Variants in IFT172 observed in about 807,000 individuals in gnomAD.
IFT172 encodes the protein intraflagellar transport protein 172 homolog.
Under a neutral mutation model 248.9 loss-of-function variants are expected in IFT172, and 164 were observed. The ratio of observed to expected loss-of-function variants is 0.66; its 90% CI spans 0.58 to 0.75. The LOEUF (loss-of-function observed/expected upper bound fraction) is 0.75. IFT172 is among the 30% of genes least tolerant of loss of function. The pLI, the probability that IFT172 is intolerant of heterozygous loss-of-function variation, is 0.00. For synonymous variants in IFT172, 729 were observed against 791.6 expected, an observed-to-expected ratio of 0.92 and a Z score of 1.33; for missense variants, 1,950 against 2,192.4, an observed-to-expected ratio of 0.89 and a Z score of 2.21.
At chr2:27,489,150 CA>C (rs1297312123) in intron 1 of IFT172, among the ~76,000 whole-genome samples, 2 of 152,182 alleles carry the variant, frequency 1.3e-5, no homozygotes, top group African/African-American at 4.8e-5. Flanking sequence ...GTGCTAACTC[CA>C]AAGCCCACCC....
rs754461372 is a variant in IFT172 at position 27,459,743 on chromosome 2, G to A, written c.2608C>T (p.Leu870Phe). Reference protein sequence around the residue: ...WGDHLVQQKQLDAAINHYIEA... With the variant: ...WGDHLVQQKQFDAAINHYIEA... ...ATGTAGTGATTAATGGCTGCATCAA[G>A]CTGCTTCTGCTGCACCAGGTGGTCC... The change falls in exon 24 of 48, where the codon CTT (leucine) becomes TTT (phenylalanine). Residue 870 changes from leucine to phenylalanine, a missense_variant. Physicochemically the swap from Leu to Phe is conservative, Grantham distance 22. Coordinates refer to ENST00000260570, the MANE Select transcript of IFT172 (RefSeq NM_015662.3). 6.2e-7 allele frequency: 1 copy of A among 1,612,916 alleles called. No homozygotes were observed. Among genetic ancestry groups the A allele is most frequent in the South Asian group, 1.1e-5 (1 of 91,080 alleles).
intron 30 of IFT172, 47 bp downstream of exon 30, chr2:27,456,464 G>A: frequency 6.3e-7 from 1 of 1,576,390 alleles, no homozygotes; most frequent in Non-Finnish European, 8.6e-7. Context: ...TCTAGATAGT[G>A]GCTCTGGCTG....
Position 27,461,346 on chromosome 2 carries a change from G to A in IFT172, c.2365C>T (p.Arg789Ter), listed in dbSNP as rs202024173. The A allele has an allele frequency of 2.1e-5, 34 of 1,614,126 alleles. No individual in the cohort carries two copies. Among genetic ancestry groups the A allele is most frequent in the South Asian group, 3.3e-5 (3 of 91,084 alleles). The change falls in exon 22 of 48, where the codon CGA becomes TGA. Residue 789 changes from arginine to a stop codon, truncating the protein, a stop_gained. Coordinates refer to ENST00000260570, the MANE Select transcript of IFT172 (RefSeq NM_015662.3). LOFTEE classifies it high-confidence loss of function. ...PAKAARLVLT[R>*]EELLANTELV... Reference sequence around the variant, plus strand: ...TCTGTGTTGGCTAGCAGTTCCTCTCGGGTCAGCACCAGCCGAGCAGCTTTG... The same window carrying A: ...TCTGTGTTGGCTAGCAGTTCCTCTCAGGTCAGCACCAGCCGAGCAGCTTTG...
chr2:27,448,792 C>G (rs1391070786), intron 40 of IFT172, 123 bp downstream of exon 40: 1 of 699,726 alleles, frequency 1.4e-6, no homozygotes, highest in Non-Finnish European at 2.7e-6. Flanking sequence ...GCGTGGGGGG[C>G]TCTGGGCATG....
At chr2:27,450,209 T>C (rs1572725132) in intron 35 of IFT172, 113 bp from the exon 36 acceptor site, 1 of 768,172 alleles carries the variant, frequency 1.3e-6, no homozygotes, top group East Asian at 2.7e-5. Flanking sequence ...TTTCTCTTAC[T>C]CTCCCCTTCA....
rs1421729217 is a variant in IFT172, at chr2:27,454,196, T to C, written c.3531-34A>G. On this transcript the variant is annotated intron_variant, in intron 32 of 47. Transcript: ENST00000260570. The surrounding 1 kb of genome is among the most constrained non-coding windows in gnomAD (Gnocchi z 4.2). ...AGGTGGGGACAGAGGAGAGACTGAG[T>C]ATAGGACTGAGGCCCCAATAGTGGG... 7 of 1,605,544 alleles carry C rather than the reference T, an allele frequency of 4.4e-6. No homozygotes were observed. The highest frequency in any genetic ancestry group is 5.1e-6 in the Non-Finnish European group (6 of 1,174,524).
chr2:27,473,551 C>G (rs1667744150), intron 14 of IFT172, among the ~76,000 whole-genome samples: 1 of 151,288 alleles, frequency 6.6e-6, no homozygotes, highest in East Asian at 2.0e-4. Flanking sequence ...ACCTCGTGAT[C>G]CGCCTGTCTC....
intron 18 of IFT172, 158 bp downstream of exon 18, chr2:27,465,253 G>T: frequency 1.5e-6 from 1 of 649,006 alleles, no homozygotes. Flanking sequence ...ATGGGAGAGT[G>T]TTTGGAATAT....
chr2:27,456,860 C>A (rs1223006365), intron 29 of IFT172, among the ~76,000 whole-genome samples: 2 of 152,044 alleles, frequency 1.3e-5, no homozygotes, highest in Non-Finnish European at 2.9e-5. Flanking sequence ...GCCTGGCCAA[C>A]ATAGTGAAAC....
At chr2:27,453,360 C>A (rs1390248906) in intron 35 of IFT172, 24 bp downstream of exon 35, 3 of 1,614,072 alleles carry the variant, frequency 1.9e-6, no homozygotes, top group Non-Finnish European at 2.5e-6. Context: ...AGAAGGAGGG[C>A]CAGAAAGGGC....
intron 29 of IFT172, among the ~76,000 whole-genome samples, chr2:27,456,916 G>C (rs1365993425): frequency 2.0e-5 from 3 of 151,980 alleles, no homozygotes; most frequent in African/African-American, 7.3e-5. Context: ...ACGGTGGTGA[G>C]TGCCTGTAAT....
rs775553041 is a variant in IFT172, at chr2:27,483,429, A to G, written c.483-53T>C. On this transcript the variant is annotated intron_variant, in intron 6 of 47. Coordinates refer to ENST00000260570, the MANE Select transcript of IFT172 (RefSeq NM_015662.3). Reference sequence around the variant, plus strand: ...AGGAAGAGACTATTTTATCTCACCAAGAAAGCCCCTTTCTCTGTCAAACAC... The same window carrying G: ...AGGAAGAGACTATTTTATCTCACCAGGAAAGCCCCTTTCTCTGTCAAACAC... 1.4e-5 allele frequency: 20 copies of G among 1,420,268 alleles called. No individual in the cohort carries two copies. The Admixed American group carries it at 1.5e-4, about 11-fold the overall frequency. 88.0% of individuals were successfully genotyped at this position (1,420,268 alleles called of 1,614,324 possible).
chr2:27,465,953 C>T, intron 16 of IFT172, 71 bp from the exon 17 acceptor site: 1 of 1,561,476 alleles, frequency 6.4e-7, no homozygotes, highest in African/African-American at 1.4e-5. Context: ...TAGAAAAGAC[C>T]CACCCTCATC....
At chr2:27,478,746 TGGAAAGAA>T (rs1305707220) in intron 10 of IFT172, among the ~76,000 whole-genome samples, 2 of 152,156 alleles carry the variant, frequency 1.3e-5, no homozygotes, top group Non-Finnish European at 2.9e-5. Flanking sequence ...TAAATGTTTC[TGGAAAGAA>T]CAAAAGAATG....
chr2:27,455,115 A>G (rs1005822048), intron 30 of IFT172: 1 of 272,662 alleles, frequency 3.7e-6, no homozygotes, highest in African/African-American at 2.3e-5. Flanking sequence ...CAGTAGCTTG[A>G]GAACACTTTG....
intron 25 of IFT172, chr2:27,459,161 G>A: frequency 1.6e-6 from 1 of 635,938 alleles, no homozygotes; most frequent in East Asian, 2.8e-5. Context: ...AACACAGCTA[G>A]AGACTCACTT....
intron 27 of IFT172, 73 bp downstream of exon 27, chr2:27,458,053 C>G: frequency 6.2e-7 from 1 of 1,612,496 alleles, no homozygotes; most frequent in Non-Finnish European, 8.5e-7. Flanking sequence ...GGGTACACAT[C>G]CTCAGACCCC....
intron 1 of IFT172, among the ~76,000 whole-genome samples, chr2:27,485,754 A>G (rs1465426733): frequency 1.3e-5 from 2 of 152,230 alleles, no homozygotes; most frequent in African/African-American, 2.4e-5. Context: ...AACTGTATCA[A>G]TGAATCCCTG....
In IFT172 at chr2:27,448,955, A is replaced by AGGGT; in HGVS notation, c.4387_4388insACCC (p.Leu1463TyrfsTer13). 6.2e-7 allele frequency: 1 copy of AGGGT among 1,610,200 alleles called. No individual in the cohort carries two copies. Among genetic ancestry groups the AGGGT allele is most frequent in the Non-Finnish European group, 8.5e-7 (1 of 1,176,348 alleles). On this transcript the variant is annotated frameshift_variant, in exon 40 of 48. Coordinates refer to ENST00000260570, the MANE Select transcript of IFT172 (RefSeq NM_015662.3). LOFTEE classifies it high-confidence loss of function. ...GGCTCCGTGCTGTACATACAGGGCC[A>AGGGT]ATGCCTGGGCAGAGCTACCCTCCCG...
Sources: allele counts gnomAD v4.1 joint callset (sites outside exome capture counted in the v4.1 genomes callset), GRCh38; gene constraint gnomAD v4.1.1; non-coding constraint Gnocchi (gnomAD v3.1); transcripts MANE v1.5; gene names NCBI Gene and HGNC (gene_info 2026-07-23, HGNC 2026-07-21).